Variants in SPDYE18 observed in about 807,000 individuals in gnomAD.
SPDYE18 encodes the protein speedy protein E18.
Under a neutral mutation model 44.9 loss-of-function variants are expected in SPDYE18, and 6 were observed. That is an observed-to-expected ratio of 0.13 (90% CI 0.07 to 0.26). SPDYE18 has a LOEUF of 0.26. Ranked by LOEUF, SPDYE18 falls within the 10% of genes least tolerant of loss-of-function variation. The probability of loss-of-function intolerance (pLI) is 1.00; values close to 1 mark genes in which losing one functional copy is unlikely to be tolerated. For missense variants in SPDYE18, 121 were observed against 463.2 expected (o/e 0.26, Z 6.78); for synonymous variants, 35 against 177.1 (o/e 0.20, Z 6.37).
intron 3 of SPDYE18, among the ~76,000 whole-genome samples, chr7:77,058,958 C>A (rs975784711): frequency 1.3e-5 from 2 of 151,992 alleles, no homozygotes; most frequent in Admixed American, 1.3e-4. Context: ...GCACCTAGCC[C>A]GAAACCAAGC....
chr7:77,058,843 AGTGCAGTG>A (rs1238333715), intron 3 of SPDYE18, among the ~76,000 whole-genome samples: 5 of 151,980 alleles, frequency 3.3e-5, no homozygotes, highest in Non-Finnish European at 7.4e-5. Context: ...CCCAGGCTGG[AGTGCAGTG>A]GTGCAGTCAT....
At chr7:77,053,806 T>A (rs1212041443) in intron 6 of SPDYE18, among the ~76,000 whole-genome samples, 3 of 150,694 alleles carry the variant, frequency 2.0e-5, no homozygotes, top group African/African-American at 7.3e-5. Context: ...GCCACTCCAT[T>A]CCAGCCTGAG....
intron 6 of SPDYE18, among the ~76,000 whole-genome samples, chr7:77,053,429 G>A (rs1174354118): frequency 6.6e-6 from 1 of 152,274 alleles, no homozygotes; most frequent in Non-Finnish European, 1.5e-5. Flanking sequence ...GTGGCCGAGA[G>A]TGGTGGCTTA....
Position 77,053,037 on chromosome 7 carries a change from G to A in SPDYE18, c.922C>T (p.Leu308=), listed in dbSNP as rs558469914. 24 of 1,614,018 alleles carry A rather than the reference G, an allele frequency of 1.5e-5. No homozygotes were observed. In the African/African-American group the frequency reaches 2.4e-4, roughly 16 times the overall value. ...AACTGGAACCGAAGTTTCTGGAACA[G>A]GGCTATCTGAGAGCGGTTCTTCCTG... ...RARKNRSQIA[L]FQKLRFQFFC... is the part of the protein sequence containing the mutation. Residue 308 remains leucine (L), a synonymous_variant, in exon 7 of 9, where the codon CTG becomes TTG. Coordinates refer to ENST00000510091, the MANE Select transcript of SPDYE18 (RefSeq NM_001394953.1).
rs567012219 is a variant in SPDYE18 at position 77,051,481 on chromosome 7, CA to C, written c.*443del. Reference sequence around the variant, plus strand: ...TACAATCTGTGGCACTGATATTTCACAAAAGAATTCTGTGCCAATCTGAGCC... The same window carrying C: ...TACAATCTGTGGCACTGATATTTCACAAAGAATTCTGTGCCAATCTGAGCC... On this transcript the variant is annotated 3_prime_UTR_variant, in exon 9 of 9. Coordinates refer to ENST00000510091, the MANE Select transcript of SPDYE18 (RefSeq NM_001394953.1). Among the ~76,000 whole-genome samples, 5 of 152,282 alleles carry C rather than the reference CA, an allele frequency of 3.3e-5. No homozygotes were observed. The highest frequency in any genetic ancestry group is 7.2e-5 in the African/African-American group (3 of 41,484).
At position 77,060,240 on chromosome 7, in the gene SPDYE18, G is replaced by A. The variant is rs1789999005; in HGVS notation, c.160+113C>T. 28 of 1,488,724 alleles carry A rather than the reference G, an allele frequency of 1.9e-5. No homozygotes were observed. In the South Asian group the frequency reaches 2.6e-4, roughly 14 times the overall value. The allele number at this position is 1,488,724 out of a possible 1,614,324, so 92.2% of individuals were successfully genotyped here. A position where few individuals can be genotyped will look rare whatever the true frequency, so the allele number is the denominator to read the frequency against. On this transcript the variant is annotated intron_variant, in intron 2 of 8. Transcript: ENST00000510091. ...TTGAACTCCTGACCTCAGGTGATTC[G>A]CCCGCCTCGGCCTCCCAAAGTGCTG...
chr7:77,052,446 T>C (rs2117311377), intron 8 of SPDYE18, among the ~76,000 whole-genome samples: 1 of 152,116 alleles, frequency 6.6e-6, no homozygotes, highest in African/African-American at 2.4e-5. Context: ...TATTTATGAT[T>C]ATTTTTGAGG....
chr7:77,058,116 C>CTTTTTTT (rs375559743), intron 3 of SPDYE18, among the ~76,000 whole-genome samples: 106 of 62,108 alleles, frequency 1.7e-3, no homozygotes, highest in African/African-American at 2.5e-3. Context: ...CTCTGAGTCT[C>CTTTTTTT]TTTTTTTTTT....
chr7:77,058,448 C>T (rs1488035416), intron 3 of SPDYE18, among the ~76,000 whole-genome samples: 1,674 of 99,994 alleles, frequency 0.017, no homozygotes, highest in Admixed American at 0.036. Flanking sequence ...CTCCATTCTT[C>T]CCACACACCC....
Position 77,060,631 on chromosome 7 carries a change from C to T in SPDYE18, c.-119G>A. 1 of 1,501,538 alleles carries T rather than the reference C, an allele frequency of 6.7e-7. No individual in the cohort carries two copies. Among genetic ancestry groups the T allele is most frequent in the Non-Finnish European group, 8.9e-7 (1 of 1,127,268 alleles). 93.0% of individuals were successfully genotyped at this position (1,501,538 alleles called of 1,614,324 possible). A position where few individuals can be genotyped will look rare whatever the true frequency, so the allele number is the denominator to read the frequency against. On this transcript the variant is annotated 5_prime_UTR_variant, in exon 2 of 9. Coordinates refer to ENST00000510091, the MANE Select transcript of SPDYE18 (RefSeq NM_001394953.1). The stretch of plus-strand genomic sequence containing the variant: ...TACTGTTGTCCAACTGATCTCCAGG[C>T]ACCACGGAGTCCGGTCCCTCCAATC...
intron 4 of SPDYE18, among the ~76,000 whole-genome samples, chr7:77,056,974 A>G (rs1789933060): frequency 1.3e-5 from 2 of 152,258 alleles, no homozygotes; most frequent in Admixed American, 6.5e-5. Context: ...ATCCCCCACT[A>G]TGGATGGAGA....
intron 3 of SPDYE18, among the ~76,000 whole-genome samples, chr7:77,058,116 C>CTTTTTT (rs375559743): frequency 3.7e-3 from 231 of 61,854 alleles, no homozygotes; most frequent in Non-Finnish European, 5.0e-3. Context: ...CTCTGAGTCT[C>CTTTTTT]TTTTTTTTTT....
intron 5 of SPDYE18, among the ~76,000 whole-genome samples, chr7:77,056,073 ACT>A (rs1789914662): frequency 9.2e-6 from 1 of 109,224 alleles, no homozygotes; most frequent in African/African-American, 3.2e-5. Context: ...GCAGAGCTAG[ACT>A]CTGTCTCACA....
Position 77,053,844 on chromosome 7 carries a change from TCAAA to T in SPDYE18, c.756-645_756-642del, listed in dbSNP as rs199537987. Among the ~76,000 whole-genome samples, 6 of 121,554 alleles carry T rather than the reference TCAAA, an allele frequency of 4.9e-5. No homozygotes were observed. In the South Asian group the frequency reaches 1.3e-3, roughly 27 times the overall value. The allele number at this position is 121,554 out of a possible 152,430, so 79.7% of individuals were successfully genotyped here. A position where few individuals can be genotyped will look rare whatever the true frequency, so the allele number is the denominator to read the frequency against. The stretch of plus-strand genomic sequence containing the variant: ...GCAGAGCAAGACTCTATCTCAATAA[TCAAA>T]CAAACAAACAAACTGTCCAGGTGTG... On this transcript the variant is annotated intron_variant, in intron 6 of 8. Transcript: ENST00000510091.
chr7:77,053,502 A>T (rs1412817935), intron 6 of SPDYE18, among the ~76,000 whole-genome samples: 2 of 152,266 alleles, frequency 1.3e-5, no homozygotes, highest in Non-Finnish European at 2.9e-5. Context: ...CAGGAGTTTG[A>T]GACGGGCCTG....
Position 77,051,315 on chromosome 7 carries a change from T to C in SPDYE18, c.*610A>G, listed in dbSNP as rs1172717305. Among the ~76,000 whole-genome samples, 1 of 152,234 alleles carries C rather than the reference T, an allele frequency of 6.6e-6. No individual in the cohort carries two copies. Among genetic ancestry groups the C allele is most frequent in the Non-Finnish European group, 1.5e-5 (1 of 68,042 alleles). On this transcript the variant is annotated 3_prime_UTR_variant, in exon 9 of 9. Transcript: ENST00000510091. Reference sequence around the variant, plus strand: ...TTTATGTATATATAACAACTATAACTCTCATCAAAAAACTACAGGAACAGC... The same window carrying C: ...TTTATGTATATATAACAACTATAACCCTCATCAAAAAACTACAGGAACAGC...
chr7:77,060,411 C>G lies in SPDYE18; in HGVS notation c.102G>C (p.Arg34=). 2 of 1,535,562 alleles carry G rather than the reference C, an allele frequency of 1.3e-6. No homozygotes were observed. The highest frequency in any genetic ancestry group is 1.7e-6 in the Non-Finnish European group (2 of 1,146,902). Residue 34 remains arginine (R), a synonymous_variant, in exon 2 of 9, where the codon CGG becomes CGC. Transcript: ENST00000510091. ...CCTGGAGGGGGTACCCCGAGGTGCT[C>G]CGCTGGAGACTCTGCTCATTCTGGG... The part of the protein sequence containing the change: ...PHPQNEQSLQ[R]STSGYPLQEV...
At chr7:77,052,655 G>A (rs3873730) in intron 8 of SPDYE18, 78 bp downstream of exon 8, 46 of 1,576,282 alleles carry the variant, frequency 2.9e-5, no homozygotes, top group Middle Eastern at 4.5e-4. Context: ...GCTTGAAGCC[G>A]GATCAAGCAA....
intron 3 of SPDYE18, among the ~76,000 whole-genome samples, chr7:77,058,425 C>A (rs1224123501): frequency 5.8e-5 from 7 of 120,410 alleles, no homozygotes; most frequent in Non-Finnish European, 1.2e-4. Context: ...GCCACTGCAC[C>A]CTGCCTCAGT....
Sources: gnomAD v4.1 joint callset for allele counts (sites outside exome capture counted in the v4.1 genomes callset) on GRCh38, gnomAD v4.1.1 for gene constraint, MANE v1.5 for transcripts, NCBI Gene and HGNC (gene_info 2026-07-23, HGNC 2026-07-21) for gene names.